MACF1: variants seen among roughly 807,000 people sequenced by gnomAD.
MACF1 encodes the protein microtubule actin crosslinking factor 1.
In MACF1, 193 loss-of-function variants were observed where a neutral mutation model predicts 854.8. The ratio of observed to expected loss-of-function variants is 0.23; its 90% CI spans 0.20 to 0.25. The LOEUF is 0.25. Among genes scored for constraint, MACF1 ranks in the 10% least tolerant of loss-of-function variants. The probability of loss-of-function intolerance (pLI) is 1.00; values close to 1 mark genes in which losing one functional copy is unlikely to be tolerated. For missense variants in MACF1, 7,722 were observed against 8,929.1 expected, an observed-to-expected ratio of 0.86 and a Z score of 5.45; for synonymous variants, 3,185 against 3,226.7, an observed-to-expected ratio of 0.99 and a Z score of 0.44.
At chr1:39,346,917 A>T (rs1647063163) in intron 40 of MACF1, 60 bp from the exon 41 acceptor site, 3 of 1,097,642 alleles carry the variant, frequency 2.7e-6, no homozygotes, top group Non-Finnish European at 4.1e-6. Flanking sequence ...TTCTTCATGA[A>T]CTGAGAAATG....
chr1:39,235,659 T>C (rs1439351652), intron 2 of MACF1, among the ~76,000 whole-genome samples: 1 of 152,234 alleles, frequency 6.6e-6, no homozygotes, highest in African/African-American at 2.4e-5. Flanking sequence ...CCTTGACCAT[T>C]ATAATAGTTT....
intron 58 of MACF1, chr1:39,412,160 C>A: frequency 6.2e-7 from 1 of 1,613,894 alleles, no homozygotes; most frequent in Admixed American, 1.7e-5. Flanking sequence ...GGCAGTTTGT[C>A]CCAGGGAGAC....
chr1:39,125,199 A>G (rs1040790143), intron 2 of MACF1, among the ~76,000 whole-genome samples: 17 of 152,218 alleles, frequency 1.1e-4, no homozygotes, highest in African/African-American at 1.9e-4. Flanking sequence ...GATTCATTCA[A>G]CATATAGTGA....
At chr1:39,217,387 GC>G (rs1333263325) in intron 1 of MACF1, among the ~76,000 whole-genome samples, 14 of 151,958 alleles carry the variant, frequency 9.2e-5, no homozygotes, top group South Asian at 4.2e-4. Context: ...CGATTCTCCT[GC>G]CTCAGCCTTC....
intron 58 of MACF1, among the ~76,000 whole-genome samples, chr1:39,389,606 C>G (rs952311205): frequency 3.9e-5 from 6 of 151,936 alleles, no homozygotes; most frequent in African/African-American, 1.5e-4. Flanking sequence ...GTGATCCACC[C>G]GCCCTAGCCT....
At chr1:39,306,140 T>C (rs1465739453) in intron 23 of MACF1, among the ~76,000 whole-genome samples, 1 of 152,050 alleles carries the variant, frequency 6.6e-6, no homozygotes, top group East Asian at 1.9e-4. Context: ...GAATAAATTA[T>C]TTTATTTACT....
In MACF1 at chr1:39,334,345, A is replaced by C. The variant is rs1438210520; in HGVS notation, c.7757A>C (p.Asp2586Ala). The change falls in exon 37 of 101, where the codon GAT becomes GCT. Residue 2586 changes from aspartate to alanine, a missense_variant. Coordinates refer to ENST00000564288, the MANE Select transcript of MACF1 (RefSeq NM_001394062.1). ...CAGGCCTTTACTGGAAACTTTGTGG[A>C]TCTCATTTCTGGTCAGAGATTGACC... ...EVQAFTGNFV[D>A]LISGQRLTLA... The C allele has an allele frequency of 6.2e-7, 1 of 1,614,138 alleles. No homozygotes were observed. The highest frequency in any genetic ancestry group is 1.3e-5 in the African/African-American group (1 of 75,044).
At chr1:39,135,177 C>T (rs1433828753) in intron 2 of MACF1, among the ~76,000 whole-genome samples, 2 of 152,074 alleles carry the variant, frequency 1.3e-5, no homozygotes, top group Non-Finnish European at 2.9e-5. Context: ...TTTTATTTAT[C>T]CATTCATCTG....
chr1:39,444,915 A>AT (rs1557658722), intron 80 of MACF1, 80 bp downstream of exon 80: 1 of 1,353,574 alleles, frequency 7.4e-7, no homozygotes, highest in Non-Finnish European at 1.0e-6. Flanking sequence ...TTATATGAAG[A>AT]TTTTTTGAAG....
intron 58 of MACF1, chr1:39,413,811 T>G: frequency 1.9e-6 from 3 of 1,607,402 alleles, no homozygotes; most frequent in Non-Finnish European, 2.5e-6. Context: ...CAGCAGAATC[T>G]GCCTCCTTTG....
At chr1:39,450,373 A>G (rs1016440606) in intron 84 of MACF1, among the ~76,000 whole-genome samples, 2 of 151,902 alleles carry the variant, frequency 1.3e-5, no homozygotes, top group African/African-American at 4.8e-5. Context: ...CACAACTGAT[A>G]CAGAGCTAGG....
Position 39,368,282 on chromosome 1 carries a change from C to T in MACF1, c.12906C>T (p.Asp4302=). The stretch of plus-strand genomic sequence containing the variant: ...ACAGGGTACAGAATCTAAGAAAAGA[C>T]TTCACAGAGCTACAGAAGACAGTTA... ...HQDRVQNLRK[D]FTELQKTVKE... is the part of the protein sequence containing the mutation. Residue 4302 remains aspartate (D), a synonymous_variant, in exon 50 of 101, where the codon GAC becomes GAT. Coordinates refer to ENST00000564288, the MANE Select transcript of MACF1 (RefSeq NM_001394062.1). The T allele has an allele frequency of 6.2e-7, 1 of 1,613,970 alleles. No homozygotes were observed. The highest frequency in any genetic ancestry group is 1.3e-5 in the African/African-American group (1 of 75,038).
chr1:39,435,417 A>G (rs1643953062), intron 69 of MACF1, 141 bp from the exon 70 acceptor site: 3 of 675,044 alleles, frequency 4.4e-6, no homozygotes, highest in Admixed American at 5.8e-5. Flanking sequence ...GTTCCCACAC[A>G]AATGGTGAGA....
At chr1:39,148,964 C>T (rs1643519640) in intron 2 of MACF1, among the ~76,000 whole-genome samples, 1 of 152,022 alleles carries the variant, frequency 6.6e-6, no homozygotes, top group Non-Finnish European at 1.5e-5. Flanking sequence ...AGGTTTTATA[C>T]ATTGGAATGA....
chr1:39,350,964 C>G lies in MACF1; in HGVS notation c.11145C>G (p.Ala3715=). Reference sequence around the variant, plus strand: ...CGCTCCAGGAAGAGACACGTGTGGCCCAGAAGGAACTGGAGGAAGCAGTGA... The same window carrying G: ...CGCTCCAGGAAGAGACACGTGTGGCGCAGAAGGAACTGGAGGAAGCAGTGA... ...YEALQEETRV[A]QKELEEAVTS... Residue 3715 remains alanine, a synonymous_variant, in exon 43 of 101, where the codon GCC becomes GCG. Transcript: ENST00000564288. The G allele has an allele frequency of 6.2e-7, 1 of 1,613,958 alleles. No individual in the cohort carries two copies. The highest frequency in any genetic ancestry group is 2.2e-5 in the East Asian group (1 of 44,878).
chr1:39,101,481 G>A (rs549924728), intron 2 of MACF1, among the ~76,000 whole-genome samples: 5 of 151,378 alleles, frequency 3.3e-5, no homozygotes, highest in South Asian at 4.2e-4. Flanking sequence ...CTCTGGCCTC[G>A]GCCTCCCAAA....
chr1:39,148,140 C>T (rs6600289), intron 2 of MACF1, among the ~76,000 whole-genome samples: 91,101 of 151,996 alleles, frequency 0.6, 29,330 homozygotes, highest in South Asian at 0.76. Context: ...GATGTACATC[C>T]TTTGTGATAG....
intron 6 of MACF1, among the ~76,000 whole-genome samples, chr1:39,278,870 A>C (rs1422504164): frequency 6.6e-6 from 1 of 152,172 alleles, no homozygotes; most frequent in East Asian, 1.9e-4. Flanking sequence ...CCCCAGGTAG[A>C]TCTGGAGTTG....
At chr1:39,272,332 A>G (rs1215568171) in intron 6 of MACF1, among the ~76,000 whole-genome samples, 1 of 152,240 alleles carries the variant, frequency 6.6e-6, no homozygotes, top group African/African-American at 2.4e-5. Context: ...GCTTGAGGAC[A>G]GTAGCAGCCA....
Sources: allele counts gnomAD v4.1 joint callset (sites outside exome capture counted in the v4.1 genomes callset), GRCh38; gene constraint gnomAD v4.1.1; transcripts MANE v1.5; gene names NCBI Gene and HGNC (gene_info 2026-07-23, HGNC 2026-07-21).